The following DPP6 variants were observed in gnomAD, a reference collection of about 807,000 sequenced individuals.
DPP6 encodes the protein A-type potassium channel modulatory protein DPP6.
Under a neutral mutation model 122.6 loss-of-function variants are expected in DPP6, and 69 were observed. The observed-to-expected ratio is 0.56, with a 90% CI of 0.46 to 0.69. The LOEUF (loss-of-function observed/expected upper bound fraction) is 0.69. Among genes scored for constraint, DPP6 ranks in the 30% least tolerant of loss-of-function variants. The probability of loss-of-function intolerance (pLI) is 0.00; values close to 1 mark genes in which losing one functional copy is unlikely to be tolerated. For missense variants in DPP6, 928 were observed against 1,116.9 expected (o/e 0.83, Z 2.41); for synonymous variants, 418 against 433.1 (o/e 0.97, Z 0.43).
chr7:154,318,144 A>G lies in DPP6; in HGVS notation c.244-128070A>G, dbSNP rs182374361. 5.3e-4 allele frequency among the ~76,000 whole-genome samples: 80 copies of G among 152,378 alleles called. 1 individual carries two copies. The highest frequency in any genetic ancestry group is 1.9e-3 in the African/African-American group (79 of 41,602). On this transcript the variant is annotated intron_variant, in intron 1 of 25. Coordinates refer to ENST00000377770, the MANE Select transcript of DPP6 (RefSeq NM_130797.4). ...AAATTTTCAAAAAATAAAATTTTGT[A>G]TAAGCTTTACCCTGTGAGGGAATCC... is the stretch of plus-strand genomic sequence containing the variant.
chr7:154,092,531 T>A (rs930190878), intron 1 of DPP6: 1 of 149,624 alleles, frequency 6.7e-6, no homozygotes, highest in Non-Finnish European at 1.5e-5. Flanking sequence ...TTCTGTACAG[T>A]GCCCATCACT....
chr7:153,966,978 G>C (rs1795776167), intron 1 of DPP6, among the ~76,000 whole-genome samples: 1 of 150,954 alleles, frequency 6.6e-6, no homozygotes, highest in South Asian at 2.1e-4. Context: ...GAGGTGGGAA[G>C]ATCACTGAGC....
intron 1 of DPP6, among the ~76,000 whole-genome samples, chr7:154,385,598 G>A (rs1814034077): frequency 6.6e-6 from 1 of 152,096 alleles, no homozygotes; most frequent in South Asian, 2.1e-4. Context: ...TTCCCTCGTG[G>A]GTTGTCATGA....
intron 1 of DPP6, among the ~76,000 whole-genome samples, chr7:154,170,465 G>C (rs1437639583): frequency 6.6e-6 from 1 of 152,180 alleles, no homozygotes; most frequent in Non-Finnish European, 1.5e-5. Flanking sequence ...TCTCCGTCCT[G>C]AAGACAGTGG....
chr7:153,773,264 C>CAT, the DPP6 span, among the ~76,000 whole-genome samples: 1,909 of 132,448 alleles, frequency 0.014, 15 homozygotes, highest in Middle Eastern at 0.028. Context: ...TCTTTTCTTT[C>CAT]GTGTGTGTGT....
At chr7:154,490,558 G>C (rs115142136) in intron 3 of DPP6, among the ~76,000 whole-genome samples, 1 of 152,190 alleles carries the variant, frequency 6.6e-6, no homozygotes. Flanking sequence ...TATTTTTGCT[G>C]TTAGCTTCTC....
intron 1 of DPP6, among the ~76,000 whole-genome samples, chr7:154,335,415 A>G (rs1447690369): frequency 6.6e-6 from 1 of 152,234 alleles, no homozygotes; most frequent in African/African-American, 2.4e-5. Flanking sequence ...TTTGCCACTT[A>G]TGGGTTGTAT....
At chr7:154,362,082 A>G (rs1001243808) in intron 1 of DPP6, among the ~76,000 whole-genome samples, 1 of 152,222 alleles carries the variant, frequency 6.6e-6, no homozygotes, top group Non-Finnish European at 1.5e-5. Flanking sequence ...AGGAGTATCT[A>G]AAGGGTGAAT....
At chr7:154,702,997 A>G (rs1354197647) in intron 7 of DPP6, among the ~76,000 whole-genome samples, 1 of 152,228 alleles carries the variant, frequency 6.6e-6, no homozygotes, top group East Asian at 1.9e-4. Context: ...GTGCTCATTT[A>G]CCATTCTGAA....
At chr7:154,555,996 A>G (rs1404443408) in intron 4 of DPP6, among the ~76,000 whole-genome samples, 1 of 152,194 alleles carries the variant, frequency 6.6e-6, no homozygotes, top group Admixed American at 6.5e-5. Context: ...TAGTGTAAAC[A>G]TTTTGCAAAA....
intron 7 of DPP6, among the ~76,000 whole-genome samples, chr7:154,680,543 G>T (rs6976134): frequency 2.0e-5 from 3 of 152,128 alleles, no homozygotes; most frequent in Middle Eastern, 6.8e-3. Context: ...ACAATAGCAG[G>T]ACTAAAAATA....
rs1823489096 is a variant in DPP6, at chr7:154,483,336, A to G, written c.457+8299A>G. Among the ~76,000 whole-genome samples the G allele has an allele frequency of 6.6e-6, 1 of 152,106 alleles. No individual in the cohort carries two copies. The highest frequency in any genetic ancestry group is 1.5e-5 in the Non-Finnish European group (1 of 68,024). ...GACAATAGTGGTGATCATTTGAGTC[A>G]TATTTAAATTGTTTATTTCTTTCTG... On this transcript the variant is annotated intron_variant, in intron 3 of 25. Transcript: ENST00000377770. The surrounding 1 kb of genome is among the most constrained non-coding windows in gnomAD (Gnocchi z 8.1).
chr7:153,915,035 C>T (rs1800247197), intron 1 of DPP6, among the ~76,000 whole-genome samples: 1 of 152,180 alleles, frequency 6.6e-6, no homozygotes. Context: ...AATTGTTCAG[C>T]AGTAGAATCT....
intron 5 of DPP6, among the ~76,000 whole-genome samples, chr7:154,581,414 TC>T: frequency 6.6e-6 from 1 of 151,908 alleles, no homozygotes; most frequent in Non-Finnish European, 1.5e-5. Flanking sequence ...CCTGCCATGG[TC>T]CTCCCCCACT....
At chr7:153,762,496 C>T in the DPP6 span, among the ~76,000 whole-genome samples, 18 of 152,196 alleles carry the variant, frequency 1.2e-4, no homozygotes, top group Admixed American at 2.0e-4. Flanking sequence ...ACCCGCCTGG[C>T]GCGGTGGCTC....
intron 1 of DPP6, among the ~76,000 whole-genome samples, chr7:154,018,010 T>C (rs1477692135): frequency 2.0e-5 from 3 of 152,200 alleles, no homozygotes; most frequent in African/African-American, 7.2e-5. Flanking sequence ...GAAATTCACA[T>C]GAAGGAGGAA....
intron 1 of DPP6, among the ~76,000 whole-genome samples, chr7:153,908,920 A>C (rs2129002111): frequency 6.6e-6 from 1 of 151,892 alleles, no homozygotes. Context: ...TGCCGGGCTA[A>C]TTTTTGTATT....
intron 8 of DPP6, among the ~76,000 whole-genome samples, chr7:154,758,402 C>T (rs1226020504): frequency 2.7e-5 from 4 of 147,718 alleles, no homozygotes; most frequent in East Asian, 2.0e-4. Context: ...GACAGAGTCT[C>T]GCTCTGTTGC....
rs1232386285 is a variant in DPP6, at chr7:154,627,921, A to G, written c.628-9900A>G. 2.6e-5 allele frequency among the ~76,000 whole-genome samples: 4 copies of G among 152,320 alleles called. 1 individual carries two copies. In the South Asian group the frequency reaches 6.2e-4, roughly 24 times the overall value. On this transcript the variant is annotated intron_variant, in intron 5 of 25. Transcript: ENST00000377770. ...TGTGGGAGGGACTTAAATAACTTTT[A>G]TCACAGCCAAATGTGACATGCTAAG...
Sources: allele counts gnomAD v4.1 joint callset (sites outside exome capture counted in the v4.1 genomes callset), GRCh38; gene constraint gnomAD v4.1.1; non-coding constraint Gnocchi (gnomAD v3.1); transcripts MANE v1.5; gene names NCBI Gene and HGNC (gene_info 2026-07-23, HGNC 2026-07-21).